Variants in CPA3 observed in about 807,000 individuals in gnomAD.
The protein encoded by CPA3 is mast cell carboxypeptidase A.
CPA3 carries 52 observed loss-of-function variants against 55.8 expected under a neutral mutation model. That is an observed-to-expected ratio of 0.93 (90% CI 0.75 to 1.17). The LOEUF is 1.17. Among genes scored for constraint, CPA3 ranks in the 50% most tolerant of loss-of-function variants. The pLI, the probability that CPA3 is intolerant of heterozygous loss-of-function variation, is 0.00. For missense variants in CPA3, 547 were observed against 509.1 expected (o/e 1.07, Z -0.72); for synonymous variants, 179 against 171.2 (o/e 1.05, Z -0.36).
Position 148,889,294 on chromosome 3 carries a change from G to T in CPA3, c.1066+3117G>T, listed in dbSNP as rs558000122. Among the ~76,000 whole-genome samples the T allele has an allele frequency of 4.6e-5, 7 of 152,262 alleles. No homozygotes were observed. The South Asian group carries it at 1.5e-3, about 32-fold the overall frequency. On this transcript the variant is annotated intron_variant, in intron 10 of 10. Coordinates refer to ENST00000296046, the MANE Select transcript of CPA3 (RefSeq NM_001870.4). ...TAAAGTTTAGTCATTCCAATAACCTGATTGTCACTTAACATGTCCCCAGAT... is the reference window on the plus strand; with the variant it reads ...TAAAGTTTAGTCATTCCAATAACCTTATTGTCACTTAACATGTCCCCAGAT...
At chr3:148,886,225 T>G in intron 10 of CPA3, 48 bp downstream of exon 10, 1 of 1,333,260 alleles carries the variant, frequency 7.5e-7, no homozygotes, top group Non-Finnish European at 1.0e-6. Context: ...AATTATTTTT[T>G]ACAAATATTA....
chr3:148,867,790 C>T (rs1331312301), intron 2 of CPA3, among the ~76,000 whole-genome samples: 1 of 152,204 alleles, frequency 6.6e-6, no homozygotes, highest in South Asian at 2.1e-4. Context: ...GCTTTTCCTT[C>T]ACATTTCCCA....
chr3:148,869,114 C>T (rs950917458), intron 3 of CPA3, 75 bp downstream of exon 3: 1 of 1,525,004 alleles, frequency 6.6e-7, no homozygotes, highest in East Asian at 2.3e-5. Context: ...GAAAGTATTA[C>T]AATGGACCTA....
rs79854948 is a variant in CPA3, at chr3:148,868,889, G to A, written c.145-26G>A. ...AGTGTTGGGTAAGCAAATAAACTCTGACTAACATTGAGCTTATCTCTGCAG... is the reference window on the plus strand; with the variant it reads ...AGTGTTGGGTAAGCAAATAAACTCTAACTAACATTGAGCTTATCTCTGCAG... On this transcript the variant is annotated intron_variant, in intron 2 of 10. Transcript: ENST00000296046. The A allele has an allele frequency of 5.2e-4, 829 of 1,608,742 alleles. 6 individuals carry two copies. In the African/African-American group the frequency reaches 9.6e-3, roughly 19 times the overall value.
At chr3:148,891,101 C>A (rs1714653054) in intron 10 of CPA3, among the ~76,000 whole-genome samples, 1 of 152,120 alleles carries the variant, frequency 6.6e-6, no homozygotes. Context: ...TGTTTTTCAG[C>A]AAGTTGCTTA....
intron 10 of CPA3, among the ~76,000 whole-genome samples, chr3:148,894,076 G>A (rs1347560704): frequency 6.6e-6 from 1 of 152,168 alleles, no homozygotes; most frequent in Non-Finnish European, 1.5e-5. Context: ...ACTGCAGAGA[G>A]GAAGGAAGAA....
At chr3:148,867,458 T>C (rs1353378899) in intron 2 of CPA3, among the ~76,000 whole-genome samples, 2 of 152,250 alleles carry the variant, frequency 1.3e-5, no homozygotes, top group Non-Finnish European at 2.9e-5. Context: ...AGTCCCTTAT[T>C]AGTCTCTACA....
At chr3:148,882,716 T>C (rs1057026384) in intron 8 of CPA3, 121 bp downstream of exon 8, 1 of 733,870 alleles carries the variant, frequency 1.4e-6, no homozygotes, top group African/African-American at 1.8e-5. Flanking sequence ...TTAACTTTTG[T>C]ATCTATAACA....
intron 2 of CPA3, 126 bp downstream of exon 2, chr3:148,865,674 C>A: frequency 1.2e-6 from 1 of 867,748 alleles, no homozygotes; most frequent in Non-Finnish European, 1.8e-6. Context: ...CAGGAGCTAT[C>A]TGGATAATTC....
At position 148,870,674 on chromosome 3, in the gene CPA3, TA is replaced by T. The variant is rs555021505; in HGVS notation, c.269+1643del. Among the ~76,000 whole-genome samples, 14 of 152,032 alleles carry T rather than the reference TA, an allele frequency of 9.2e-5. No homozygotes were observed. In the South Asian group the frequency reaches 1.9e-3, roughly 20 times the overall value. ...CTTAAAGTATAAAAATATATATTTATAAAAAAAACTAATTGATACCAGCTTT... is the reference window on the plus strand; with the variant it reads ...CTTAAAGTATAAAAATATATATTTATAAAAAAACTAATTGATACCAGCTTT... On this transcript the variant is annotated intron_variant, in intron 3 of 10. Transcript: ENST00000296046.
chr3:148,883,602 G>T lies in CPA3; in HGVS notation c.779-11G>T, dbSNP rs956979552. ...GCAGACTGTGGTCTCATCCACCTATGTCTTCTGCAGCCATTCCTAACACCA... is the reference window on the plus strand; with the variant it reads ...GCAGACTGTGGTCTCATCCACCTATTTCTTCTGCAGCCATTCCTAACACCA... On this transcript the variant is annotated splice_polypyrimidine_tract_variant and intron_variant, in intron 8 of 10. Transcript: ENST00000296046. 1.2e-6 allele frequency: 2 copies of T among 1,612,088 alleles called. No individual in the cohort carries two copies. Among genetic ancestry groups the T allele is most frequent in the Non-Finnish European group, 1.7e-6 (2 of 1,178,860 alleles).
intron 9 of CPA3, 107 bp downstream of exon 9, chr3:148,883,922 A>G: frequency 2.5e-6 from 2 of 808,762 alleles, no homozygotes; most frequent in Non-Finnish European, 4.0e-6. Flanking sequence ...TTAATGTCAA[A>G]GAAAAGAACT....
chr3:148,869,148 G>A (rs181865874), intron 3 of CPA3, 109 bp downstream of exon 3: 96 of 1,246,912 alleles, frequency 7.7e-5, no homozygotes, highest in Middle Eastern at 5.1e-4. Context: ...CCCCCAGAAC[G>A]AAAGCTCTTT....
rs773067485 is a variant in CPA3, at chr3:148,882,598, G to A, written c.778+3G>A. Reference sequence around the variant, plus strand: ...GAATTTTAATGCTTCATGGAACTGTGAGTAGCAGACTTGCTATCAAGGAAA... The same window carrying A: ...GAATTTTAATGCTTCATGGAACTGTAAGTAGCAGACTTGCTATCAAGGAAA... On this transcript the variant is annotated splice_donor_region_variant and intron_variant, in intron 8 of 10. Transcript: ENST00000296046. 1.2e-6 allele frequency: 2 copies of A among 1,612,128 alleles called. No homozygotes were observed. The highest frequency in any genetic ancestry group is 1.1e-5 in the South Asian group (1 of 90,956).
chr3:148,889,869 C>CAA (rs10693111), intron 10 of CPA3, among the ~76,000 whole-genome samples: 48,582 of 109,858 alleles, frequency 0.44, 12,611 homozygotes, highest in Non-Finnish European at 0.56. Flanking sequence ...AACTCCATCT[C>CAA]AAAAAAAAAA....
intron 10 of CPA3, among the ~76,000 whole-genome samples, chr3:148,886,736 A>AT (rs988432973): frequency 6.6e-6 from 1 of 151,998 alleles, no homozygotes; most frequent in Non-Finnish European, 1.5e-5. Flanking sequence ...TAGAGTCTAC[A>AT]TTTTTTTTAA....
rs1229350848 is a variant in CPA3 at position 148,886,162 on chromosome 3, A to G, written c.1051A>G (p.Ile351Val). ...TGAAACCCGCTACATCTATGGCCCA[A>G]TAGAATCAACAATTTGTAAGTCATT... Reference protein sequence around the residue: ...RYETRYIYGPIESTIYPISGS... With the variant: ...RYETRYIYGPVESTIYPISGS... The change falls in exon 10 of 11, where the codon ATA becomes GTA. Residue 351 changes from isoleucine (I) to valine (V), a missense_variant. Ile to Val is a conservative substitution (Grantham distance 29). Transcript: ENST00000296046. 2.0e-5 allele frequency: 33 copies of G among 1,610,342 alleles called. No individual in the cohort carries two copies. The highest frequency in any genetic ancestry group is 2.6e-5 in the Non-Finnish European group (31 of 1,177,438).
At chr3:148,880,256 G>T (rs1166528132) in intron 6 of CPA3, among the ~76,000 whole-genome samples, 1 of 151,854 alleles carries the variant, frequency 6.6e-6, no homozygotes, top group South Asian at 2.1e-4. Context: ...TTCCTCTTTA[G>T]ATAATACATT....
rs367753806 is a variant in CPA3, at chr3:148,878,721, T to G, written c.447T>G (p.Val149=). 159 of 1,603,334 alleles carry G rather than the reference T, an allele frequency of 9.9e-5. No individual in the cohort carries two copies. Among genetic ancestry groups the G allele is most frequent in the Non-Finnish European group, 1.3e-4 (151 of 1,171,182 alleles). Residue 149 remains valine (V), a synonymous_variant, in exon 5 of 11, where the codon GTT becomes GTG. Transcript: ENST00000296046. ...CTCGTATTAAAATTGGATCTACTGTTGAAGATAATCCACTATATGTTCTGA... is the reference window on the plus strand; with the variant it reads ...CTCGTATTAAAATTGGATCTACTGTGGAAGATAATCCACTATATGTTCTGA... ...MVSRIKIGST[V]EDNPLYVLKI... is the part of the protein sequence containing the mutation.
Sources: allele counts gnomAD v4.1 joint callset (sites outside exome capture counted in the v4.1 genomes callset), GRCh38; gene constraint gnomAD v4.1.1; transcripts MANE v1.5; gene names NCBI Gene and HGNC (gene_info 2026-07-23, HGNC 2026-07-21).